The following NFIA variants were observed in gnomAD, a reference collection of about 807,000 sequenced individuals.
NFIA encodes nuclear factor 1 A-type.
NFIA carries 8 observed loss-of-function variants against 62.8 expected under a neutral mutation model. The observed-to-expected ratio is 0.13, with a 90% confidence interval of 0.07 to 0.23. NFIA has a LOEUF of 0.23. NFIA is among the 10% of genes least tolerant of loss of function. The pLI is 1.00. For missense variants in NFIA, 410 were observed against 642.1 expected, an observed-to-expected ratio of 0.64 and a Z score of 3.91; for synonymous variants, 235 against 238.1, an observed-to-expected ratio of 0.99 and a Z score of 0.12.
At chr1:61,347,793 A>T (rs1485360788) in intron 4 of NFIA, among the ~76,000 whole-genome samples, 1 of 152,156 alleles carries the variant, frequency 6.6e-6, no homozygotes, top group Non-Finnish European at 1.5e-5. Flanking sequence ...TCTTTTTATC[A>T]TTTCAAGTTT....
chr1:61,112,016 A>C (rs2100454564), intron 2 of NFIA, among the ~76,000 whole-genome samples: 1 of 152,230 alleles, frequency 6.6e-6, no homozygotes, highest in Admixed American at 6.5e-5. Flanking sequence ...CACAAGCATA[A>C]TTTAAGTTAC....
intron 10 of NFIA, among the ~76,000 whole-genome samples, chr1:61,439,195 T>A (rs1343406875): frequency 2.6e-5 from 4 of 151,406 alleles, no homozygotes; most frequent in Non-Finnish European, 5.9e-5. Flanking sequence ...GATAATGGTG[T>A]ATCAGATTAG....
chr1:61,311,539 C>G (rs1410902098), intron 3 of NFIA, among the ~76,000 whole-genome samples: 1 of 152,094 alleles, frequency 6.6e-6, no homozygotes, highest in Non-Finnish European at 1.5e-5. Context: ...GGGTCACTGT[C>G]CTGTGCGTTG....
At chr1:61,104,353 G>A (rs1341388514) in intron 2 of NFIA, among the ~76,000 whole-genome samples, 1 of 151,986 alleles carries the variant, frequency 6.6e-6, no homozygotes, top group South Asian at 2.1e-4. Flanking sequence ...TTAATCCTAA[G>A]CTCTGAGAGG....
At chr1:61,155,180 A>C (rs1229527452) in intron 2 of NFIA, among the ~76,000 whole-genome samples, 1 of 152,194 alleles carries the variant, frequency 6.6e-6, no homozygotes, top group Admixed American at 6.5e-5. Flanking sequence ...GATCATTTTT[A>C]TCAAGAATAT....
chr1:61,105,860 G>A (rs145204730), intron 2 of NFIA, among the ~76,000 whole-genome samples: 27 of 151,820 alleles, frequency 1.8e-4, no homozygotes, highest in Non-Finnish European at 3.8e-4. Context: ...ACCTACAACA[G>A]TGGGTGTGCT....
At position 61,453,012 on chromosome 1, in the gene NFIA, A is replaced by G. The variant is rs1187326563; in HGVS notation, c.1513-2291A>G. Among the ~76,000 whole-genome samples, 3 of 152,174 alleles carry G rather than the reference A, an allele frequency of 2.0e-5. No homozygotes were observed. The East Asian group carries it at 5.8e-4, about 29-fold the overall frequency. ...GCAAATATCCACCCCCCAAAAGAAA[A>G]GTGTGCAGAGTGAAACACAATAATT... On this transcript the variant is annotated intron_variant, in intron 10 of 10. Coordinates refer to ENST00000403491, the MANE Select transcript of NFIA (RefSeq NM_001134673.4).
chr1:61,406,971 A>C (rs1364410159), intron 9 of NFIA, among the ~76,000 whole-genome samples: 1 of 152,182 alleles, frequency 6.6e-6, no homozygotes, highest in Non-Finnish European at 1.5e-5. Context: ...GACTGAAGTC[A>C]AGTTATGAGC....
intron 2 of NFIA, among the ~76,000 whole-genome samples, chr1:61,218,965 C>T (rs1240651625): frequency 6.6e-6 from 1 of 152,216 alleles, no homozygotes; most frequent in African/African-American, 2.4e-5. Context: ...GGCGTGGTGG[C>T]TCACGCCTAT....
chr1:61,077,634 T>G, upstream of NFIA: 1 of 1,425,324 alleles, frequency 7.0e-7, no homozygotes, highest in Non-Finnish European at 9.3e-7. Context: ...CAATGGTACG[T>G]GGTACATCTT....
At chr1:61,204,557 A>G (rs1308243594) in intron 2 of NFIA, among the ~76,000 whole-genome samples, 1 of 152,076 alleles carries the variant, frequency 6.6e-6, no homozygotes, top group Admixed American at 6.5e-5. Context: ...GTTCCATTTT[A>G]TTTGTATCTA....
chr1:61,341,961 G>A (rs1368405557), intron 4 of NFIA, among the ~76,000 whole-genome samples: 1 of 152,178 alleles, frequency 6.6e-6, no homozygotes, highest in East Asian at 1.9e-4. Context: ...TTTGGCTGGA[G>A]TACATTATCA....
chr1:61,195,417 C>T (rs754368450), intron 2 of NFIA, among the ~76,000 whole-genome samples: 60 of 152,092 alleles, frequency 3.9e-4, no homozygotes, highest in Non-Finnish European at 6.9e-4. Context: ...TTTGTTCAAT[C>T]GTTTGTATTT....
chr1:61,452,932 C>CA (rs1668124192), intron 10 of NFIA, among the ~76,000 whole-genome samples: 1 of 151,580 alleles, frequency 6.6e-6, no homozygotes, highest in African/African-American at 2.4e-5. Context: ...GTCAATAGGG[C>CA]AAAAAGAAAA....
At chr1:61,446,312 A>C (rs1161936486) in intron 10 of NFIA, among the ~76,000 whole-genome samples, 1 of 152,306 alleles carries the variant, frequency 6.6e-6, no homozygotes, top group Non-Finnish European at 1.5e-5. Context: ...TCACAACAGA[A>C]GCCTTCCAGG....
rs889773205 is a variant in NFIA at position 61,458,172 on chromosome 1, T to C, written c.*2852T>C. ...CACTTAGCTGGGCATTACTTTATTA[T>C]GACATATGTGCACTAAAAAATGAAA... is the stretch of plus-strand genomic sequence containing the variant. On this transcript the variant is annotated 3_prime_UTR_variant, in exon 11 of 11. Coordinates refer to ENST00000403491, the MANE Select transcript of NFIA (RefSeq NM_001134673.4). 3 of 147,544 alleles carry C rather than the reference T, an allele frequency of 2.0e-5. No homozygotes were observed. In the East Asian group the frequency reaches 6.0e-4, roughly 29 times the overall value. 9.1% of individuals were successfully genotyped at this position (147,544 alleles called of 1,614,324 possible). A position where few individuals can be genotyped will look rare whatever the true frequency, so the allele number is the denominator to read the frequency against.
intron 10 of NFIA, among the ~76,000 whole-genome samples, chr1:61,431,115 T>C (rs1461375750): frequency 6.6e-6 from 1 of 152,196 alleles, no homozygotes; most frequent in African/African-American, 2.4e-5. Context: ...TATAATGTAA[T>C]GATAGGGAAC....
At chr1:61,195,352 G>A (rs113026816) in intron 2 of NFIA, among the ~76,000 whole-genome samples, 3,006 of 152,190 alleles carry the variant, frequency 0.02, 91 homozygotes, top group African/African-American at 0.054. Context: ...GGCACATGCA[G>A]CTTGTAAGTG....
At chr1:61,156,467 T>C (rs1225413407) in intron 2 of NFIA, among the ~76,000 whole-genome samples, 1 of 152,212 alleles carries the variant, frequency 6.6e-6, no homozygotes, top group Admixed American at 6.5e-5. Context: ...ATTTCATTAT[T>C]TGGGAGAGCA....
Sources: gnomAD v4.1 joint callset for allele counts (sites outside exome capture counted in the v4.1 genomes callset) on GRCh38, gnomAD v4.1.1 for gene constraint, MANE v1.5 for transcripts, NCBI Gene and HGNC (gene_info 2026-07-23, HGNC 2026-07-21) for gene names.